Variants in TRUB1 observed in about 807,000 individuals in gnomAD.
TRUB1 encodes TruB pseudouridine synthase family member 1, also known as pseudouridylate synthase TRUB1.
A neutral mutation model predicts 33.9 loss-of-function variants in TRUB1; 23 were observed. The observed-to-expected ratio is 0.68, with a 90% CI of 0.49 to 0.96. The LOEUF (loss-of-function observed/expected upper bound fraction) is 0.96, where lower values mean the gene tolerates loss of function less well. Ranked by LOEUF, TRUB1 falls within the 40% of genes least tolerant of loss-of-function variation. The pLI is 0.00. For missense variants in TRUB1, 378 were observed against 422.2 expected (o/e 0.90, Z 0.92); for synonymous variants, 163 against 165.4 (o/e 0.99, Z 0.11).
chr10:114,969,788 G>GC (rs1053647808), intron 4 of TRUB1, among the ~76,000 whole-genome samples: 6 of 150,688 alleles, frequency 4.0e-5, no homozygotes, highest in Non-Finnish European at 8.8e-5. Context: ...AGGCTGGGGC[G>GC]GGGGGACAGA....
chr10:114,952,977 T>TA (rs1417115006), intron 3 of TRUB1, among the ~76,000 whole-genome samples: 3 of 152,172 alleles, frequency 2.0e-5, no homozygotes, highest in Non-Finnish European at 4.4e-5. Context: ...ATGTTAATAA[T>TA]AAAAAAGATA....
chr10:114,942,993 A>C (rs2084195531), intron 2 of TRUB1, among the ~76,000 whole-genome samples: 1 of 152,226 alleles, frequency 6.6e-6, no homozygotes, highest in Admixed American at 6.5e-5. Flanking sequence ...CTGTGCAGAA[A>C]AGAGTTAACA....
intron 4 of TRUB1, among the ~76,000 whole-genome samples, chr10:114,962,748 G>T (rs546327262): frequency 5.5e-4 from 84 of 152,228 alleles, no homozygotes; most frequent in African/African-American, 2.0e-3. Context: ...AGTCATGCAG[G>T]TGTATTTCAG....
chr10:114,954,297 T>G (rs938145428), intron 3 of TRUB1, among the ~76,000 whole-genome samples: 3 of 152,226 alleles, frequency 2.0e-5, no homozygotes, highest in Admixed American at 2.0e-4. Flanking sequence ...CTTCTCTCCC[T>G]AGCCAGTCGT....
At chr10:114,964,501 G>T (rs550973226) in intron 4 of TRUB1, among the ~76,000 whole-genome samples, 1 of 151,876 alleles carries the variant, frequency 6.6e-6, no homozygotes, top group Non-Finnish European at 1.5e-5. Context: ...TTCCTCTCTT[G>T]TCTTTTGAAA....
chr10:114,939,302 T>C (rs564173012), intron 1 of TRUB1, among the ~76,000 whole-genome samples: 245 of 152,324 alleles, frequency 1.6e-3, no homozygotes, highest in African/African-American at 5.6e-3. Flanking sequence ...CTTAAGTTCA[T>C]TGGACATATA....
intron 1 of TRUB1, among the ~76,000 whole-genome samples, chr10:114,938,783 A>G (rs1391978857): frequency 6.6e-6 from 1 of 152,304 alleles, no homozygotes; most frequent in East Asian, 1.9e-4. Context: ...CTTACACAAT[A>G]AAACCCTGCC....
chr10:114,941,861 T>G (rs1469618747), intron 1 of TRUB1, among the ~76,000 whole-genome samples: 3 of 152,100 alleles, frequency 2.0e-5, no homozygotes, highest in Admixed American at 6.5e-5. Flanking sequence ...CTTGGCTCAC[T>G]GCAAACTCCG....
chr10:114,945,149 C>T (rs1031827605), intron 2 of TRUB1, among the ~76,000 whole-genome samples: 1 of 152,218 alleles, frequency 6.6e-6, no homozygotes, highest in Admixed American at 6.5e-5. Flanking sequence ...GATAAAGTAA[C>T]ATGTTCACTG....
At chr10:114,938,614 C>T in intron 1 of TRUB1, 75 bp downstream of exon 1, 2 of 1,414,036 alleles carry the variant, frequency 1.4e-6, no homozygotes, top group Non-Finnish European at 1.9e-6. Flanking sequence ...TTTTGCGACG[C>T]TCGTGATTCA....
intron 3 of TRUB1, among the ~76,000 whole-genome samples, chr10:114,955,284 C>T (rs1186561533): frequency 6.6e-6 from 1 of 152,174 alleles, no homozygotes; most frequent in East Asian, 1.9e-4. Flanking sequence ...TCAGCAAAAG[C>T]TGGATAGCAG....
intron 4 of TRUB1, among the ~76,000 whole-genome samples, chr10:114,968,013 G>A (rs1370877989): frequency 6.6e-6 from 1 of 152,102 alleles, no homozygotes; most frequent in Non-Finnish European, 1.5e-5. Flanking sequence ...TTTTAATAGT[G>A]TATGTTATAT....
intron 4 of TRUB1, among the ~76,000 whole-genome samples, chr10:114,966,339 T>C (rs1213934416): frequency 6.6e-6 from 1 of 152,216 alleles, no homozygotes; most frequent in Non-Finnish European, 1.5e-5. Context: ...TTCTATTCCA[T>C]TGATGTATTT....
intron 2 of TRUB1, among the ~76,000 whole-genome samples, chr10:114,948,367 C>T (rs1386159843): frequency 1.3e-5 from 2 of 152,178 alleles, no homozygotes; most frequent in East Asian, 1.9e-4. Flanking sequence ...CTCTTCTATA[C>T]TGCTAATGTA....
At chr10:114,968,902 T>G (rs528124263) in intron 4 of TRUB1, among the ~76,000 whole-genome samples, 2 of 152,284 alleles carry the variant, frequency 1.3e-5, no homozygotes, top group African/African-American at 4.8e-5. Context: ...TTAATACACA[T>G]ATACCAGAAT....
chr10:114,968,251 A>C (rs539550008), intron 4 of TRUB1, among the ~76,000 whole-genome samples: 2 of 152,224 alleles, frequency 1.3e-5, no homozygotes, highest in African/African-American at 4.8e-5. Flanking sequence ...GAGAAAGAAC[A>C]CATCTTGTCA....
In TRUB1 at chr10:114,972,214, A is replaced by G. The variant is rs747249892; in HGVS notation, c.676A>G (p.Arg226Gly). The change falls in exon 6 of 8, where the codon AGG becomes GGG. Residue 226 changes from arginine (R) to glycine (G), a missense_variant. Transcript: ENST00000298746. ...TGAAGTCGTAGAAGCAAAACCTGCCAGGCCAGTGACTGTATACAGTATCTC... is the reference window on the plus strand; with the variant it reads ...TGAAGTCGTAGAAGCAAAACCTGCCGGGCCAGTGACTGTATACAGTATCTC... ...RGEVVEAKPA[R>G]PVTVYSISLQ... 3.1e-6 allele frequency: 5 copies of G among 1,613,782 alleles called. No individual in the cohort carries two copies. The highest frequency in any genetic ancestry group is 4.2e-6 in the Non-Finnish European group (5 of 1,179,812).
chr10:114,938,323 A>T lies in TRUB1; in HGVS notation c.70A>T (p.Thr24Ser). 5.0e-6 allele frequency: 8 copies of T among 1,613,984 alleles called. No homozygotes were observed. Among genetic ancestry groups the T allele is most frequent in the Non-Finnish European group, 6.8e-6 (8 of 1,179,960 alleles). ...AACAGACACATCCCCTGTCCTTGAAACTGCAGGAACGGTCGCAGCAATGGC... is the reference window on the plus strand; with the variant it reads ...AACAGACACATCCCCTGTCCTTGAATCTGCAGGAACGGTCGCAGCAATGGC... Reference protein sequence around the residue: ...LKTDTSPVLETAGTVAAMAAT... With the variant: ...LKTDTSPVLESAGTVAAMAAT... Residue 24 changes from threonine to serine, a missense_variant, in exon 1 of 8, where the codon ACT (threonine) becomes TCT (serine). Physicochemically the swap from Thr to Ser is moderately conservative, Grantham distance 58 (BLOSUM62 1). Transcript: ENST00000298746.
At chr10:114,967,656 T>C (rs759527215) in intron 4 of TRUB1, among the ~76,000 whole-genome samples, 9 of 152,240 alleles carry the variant, frequency 5.9e-5, no homozygotes, top group Non-Finnish European at 1.3e-4. Flanking sequence ...CACTTGTACC[T>C]CTTTTACCAA....
Sources: gnomAD v4.1 joint callset for allele counts (sites outside exome capture counted in the v4.1 genomes callset) on GRCh38, gnomAD v4.1.1 for gene constraint, MANE v1.5 for transcripts, NCBI Gene and HGNC (gene_info 2026-07-23, HGNC 2026-07-21) for gene names.